CHRM3: variants seen among roughly 807,000 people sequenced by gnomAD.
CHRM3 encodes the protein muscarinic acetylcholine receptor M3.
In CHRM3, 11 loss-of-function variants were observed where a neutral mutation model predicts 41.8. The observed-to-expected ratio is 0.26, with a 90% CI of 0.17 to 0.44. The LOEUF (loss-of-function observed/expected upper bound fraction) is 0.44, where lower values mean the gene tolerates loss of function less well. Ranked by LOEUF, CHRM3 falls within the 20% of genes least tolerant of loss-of-function variation. The probability of loss-of-function intolerance (pLI) is 1.00; values close to 1 mark genes in which losing one functional copy is unlikely to be tolerated. For synonymous variants in CHRM3, 297 were observed against 301.4 expected (o/e 0.99, Z 0.15); for missense variants, 571 against 745.4 (o/e 0.77, Z 2.72).
intron 3 of CHRM3, among the ~76,000 whole-genome samples, chr1:239,589,638 C>CTATATATATATATATA (rs10592228): frequency 4.0e-5 from 5 of 124,924 alleles, no homozygotes; most frequent in African/African-American, 1.5e-4. Flanking sequence ...ATATAAAAAA[C>CTATATATATATATATA]TATATATATA....
At chr1:239,781,362 A>G (rs1668499342) in intron 5 of CHRM3, among the ~76,000 whole-genome samples, 1 of 152,186 alleles carries the variant, frequency 6.6e-6, no homozygotes, top group African/African-American at 2.4e-5. Context: ...GGGGAAATTA[A>G]CATTAATATG....
chr1:239,618,093 G>C (rs1175741069), intron 3 of CHRM3, among the ~76,000 whole-genome samples: 1 of 151,586 alleles, frequency 6.6e-6, no homozygotes, highest in Non-Finnish European at 1.5e-5. Context: ...GAACACCCAG[G>C]GAAGTGCGTA....
In CHRM3 at chr1:239,558,076, G is replaced by T. The variant is rs1660533897; in HGVS notation, c.-313+12327G>T. On this transcript the variant is annotated intron_variant, in intron 3 of 6. Transcript: ENST00000676153. ...GAATCACCAGATGTCTTCCACAATGGTTTAACTACTTTACACTCCTACCAA... is the reference window on the plus strand; with the variant it reads ...GAATCACCAGATGTCTTCCACAATGTTTTAACTACTTTACACTCCTACCAA... Among the ~76,000 whole-genome samples the T allele has an allele frequency of 2.0e-5, 3 of 152,154 alleles. No homozygotes were observed. In the South Asian group the frequency reaches 6.2e-4, roughly 32 times the overall value.
intron 1 of CHRM3, among the ~76,000 whole-genome samples, chr1:239,480,701 T>G (rs1038878101): frequency 6.6e-6 from 1 of 151,894 alleles, no homozygotes; most frequent in Non-Finnish European, 1.5e-5. Context: ...GGACTACAGG[T>G]GCCCACCAGC....
intron 3 of CHRM3, among the ~76,000 whole-genome samples, chr1:239,548,906 T>C (rs956890310): frequency 6.6e-6 from 1 of 152,184 alleles, no homozygotes; most frequent in Non-Finnish European, 1.5e-5. Flanking sequence ...ATTAGTCCAT[T>C]TTCATGCTGC....
At chr1:239,444,233 A>G (rs190175827) in intron 1 of CHRM3, among the ~76,000 whole-genome samples, 8 of 152,288 alleles carry the variant, frequency 5.3e-5, no homozygotes, top group African/African-American at 1.7e-4. Flanking sequence ...AGTCCATCCT[A>G]TTCTATTTTA....
Position 239,806,440 on chromosome 1 carries a change from ACACC to A in CHRM3, c.-146-20810_-146-20807del, listed in dbSNP as rs1236047117. Among the ~76,000 whole-genome samples, 150 of 151,090 alleles carry A rather than the reference ACACC, an allele frequency of 9.9e-4. 1 individual carries two copies. The highest frequency in any genetic ancestry group is 3.4e-3 in the Middle Eastern group (1 of 294). ...GTTACACACACACACACACACACAC[ACACC>A]CCTGTGGACATCCAGAGATTGTAAT... On this transcript the variant is annotated intron_variant, in intron 5 of 6. Coordinates refer to ENST00000676153, the MANE Select transcript of CHRM3 (RefSeq NM_001375978.1).
chr1:239,389,434 TC>T (rs551109281), intron 1 of CHRM3, among the ~76,000 whole-genome samples: 55 of 152,316 alleles, frequency 3.6e-4, no homozygotes, highest in African/African-American at 1.3e-3. Flanking sequence ...GTGTAAAAGT[TC>T]TTTAGAGTGT....
intron 3 of CHRM3, among the ~76,000 whole-genome samples, chr1:239,611,416 C>CTTTTTTTT (rs75352638): frequency 9.4e-5 from 9 of 96,236 alleles, no homozygotes; most frequent in East Asian, 7.3e-4. Context: ...TTGCAAGTGA[C>CTTTTTTTT]TTTTTTTTTT....
intron 2 of CHRM3, among the ~76,000 whole-genome samples, chr1:239,532,009 CTTTTTTTTTTTT>C (rs34798101): frequency 1.3e-5 from 1 of 76,292 alleles, no homozygotes; most frequent in Non-Finnish European, 2.3e-5. Flanking sequence ...TTCCTTCTTT[CTTTTTTTTTTTT>C]TTTTTTTTTG....
At chr1:239,405,651 A>C (rs1219615752) in intron 1 of CHRM3, among the ~76,000 whole-genome samples, 1 of 152,084 alleles carries the variant, frequency 6.6e-6, no homozygotes, top group Non-Finnish European at 1.5e-5. Context: ...ACCAATACTG[A>C]TTTTTGCCAG....
chr1:239,794,150 C>A (rs2790335), intron 5 of CHRM3, among the ~76,000 whole-genome samples: 1 of 151,910 alleles, frequency 6.6e-6, no homozygotes, highest in African/African-American at 2.4e-5. Context: ...TTTTTATTTT[C>A]TTCACAGAAA....
chr1:239,786,894 C>A (rs1226633953), intron 5 of CHRM3, among the ~76,000 whole-genome samples: 2 of 152,042 alleles, frequency 1.3e-5, no homozygotes, highest in African/African-American at 4.8e-5. Context: ...GTAGCGAAAA[C>A]CAAAGTTTGA....
intron 5 of CHRM3, among the ~76,000 whole-genome samples, chr1:239,731,577 G>A (rs921160916): frequency 6.6e-6 from 1 of 151,874 alleles, no homozygotes; most frequent in Non-Finnish European, 1.5e-5. Flanking sequence ...AAAGGAAGAG[G>A]GAGAGAGCAG....
chr1:239,820,088 C>T (rs1302690569), intron 5 of CHRM3, among the ~76,000 whole-genome samples: 7 of 152,166 alleles, frequency 4.6e-5, no homozygotes, highest in Admixed American at 6.6e-5. Flanking sequence ...CCCAAAACAA[C>T]GATAGACCAC....
At chr1:239,515,201 C>G (rs888713358) in intron 2 of CHRM3, among the ~76,000 whole-genome samples, 1 of 151,566 alleles carries the variant, frequency 6.6e-6, no homozygotes, top group Non-Finnish European at 1.5e-5. Context: ...ACTGAATATT[C>G]AAATCTAAAG....
At chr1:239,765,167 G>A (rs652349) in intron 5 of CHRM3, among the ~76,000 whole-genome samples, 94,286 of 152,048 alleles carry the variant, frequency 0.62, 30,563 homozygotes, top group Non-Finnish European at 0.73. Flanking sequence ...CACTAGGGGT[G>A]CCACAGTTGG....
At chr1:239,392,904 A>G (rs1463313076) in intron 1 of CHRM3, among the ~76,000 whole-genome samples, 2 of 152,186 alleles carry the variant, frequency 1.3e-5, no homozygotes, top group African/African-American at 4.8e-5. Flanking sequence ...ATTAATACAT[A>G]CAGGCCAATT....
chr1:239,717,024 A>T (rs1662444417), intron 5 of CHRM3, among the ~76,000 whole-genome samples: 1 of 149,522 alleles, frequency 6.7e-6, no homozygotes, highest in African/African-American at 2.4e-5. Flanking sequence ...CCAGAAAAAC[A>T]AATGTTCTCA....
Sources: gnomAD v4.1 joint callset for allele counts (sites outside exome capture counted in the v4.1 genomes callset) on GRCh38, gnomAD v4.1.1 for gene constraint, MANE v1.5 for transcripts, NCBI Gene and HGNC (gene_info 2026-07-23, HGNC 2026-07-21) for gene names.